Variants in ZZZ3 observed in about 807,000 individuals in gnomAD.
The protein encoded by ZZZ3 is ZZ-type zinc finger-containing protein 3.
Under a neutral mutation model 95.2 loss-of-function variants are expected in ZZZ3, and 22 were observed. The ratio of observed to expected loss-of-function variants is 0.23; its 90% CI spans 0.17 to 0.33. The LOEUF is 0.33. Among genes scored for constraint, ZZZ3 ranks in the 10% least tolerant of loss-of-function variants. ZZZ3 has a pLI of 1.00. For synonymous variants in ZZZ3, 335 were observed against 358.9 expected, an observed-to-expected ratio of 0.93 and a Z score of 0.75; for missense variants, 885 against 1,066.5, an observed-to-expected ratio of 0.83 and a Z score of 2.37.
At chr1:77,619,226 T>C (rs1401778243) in intron 5 of ZZZ3, among the ~76,000 whole-genome samples, 1 of 152,200 alleles carries the variant, frequency 6.6e-6, no homozygotes, top group Non-Finnish European at 1.5e-5. Context: ...TAGTAACTTC[T>C]AGTTAAAAAC....
chr1:77,576,824 T>C (rs1176575094), intron 11 of ZZZ3, among the ~76,000 whole-genome samples: 1 of 152,098 alleles, frequency 6.6e-6, no homozygotes, highest in East Asian at 1.9e-4. Context: ...TTTACCAATT[T>C]GTGTTGGGCC....
intron 8 of ZZZ3, 36 bp from the exon 9 acceptor site, chr1:77,581,105 TAAC>T (rs747683377): frequency 6.6e-7 from 1 of 1,518,222 alleles, no homozygotes; most frequent in African/African-American, 1.4e-5. Flanking sequence ...AGAGAGAAAA[TAAC>T]AACACCTATC....
At chr1:77,571,753 G>A (rs567094289) in intron 12 of ZZZ3, among the ~76,000 whole-genome samples, 24 of 152,248 alleles carry the variant, frequency 1.6e-4, no homozygotes, top group Admixed American at 7.8e-4. Context: ...ATGGAAAGCA[G>A]AATAATGACT....
intron 1 of ZZZ3, among the ~76,000 whole-genome samples, chr1:77,657,679 T>A (rs1557769088): frequency 6.6e-6 from 1 of 152,172 alleles, no homozygotes; most frequent in Non-Finnish European, 1.5e-5. Context: ...GAGAACAGAC[T>A]ATAGTCATCC....
chr1:77,584,844 AG>A (rs1662928978), intron 5 of ZZZ3, 189 bp from the exon 6 acceptor site: 1 of 380,918 alleles, frequency 2.6e-6, no homozygotes, highest in Non-Finnish European at 4.6e-6. Context: ...AGAAAATAAG[AG>A]TTAGAGAAAG....
intron 5 of ZZZ3, among the ~76,000 whole-genome samples, chr1:77,621,676 GTGTGGTGGTAC>G (rs1557734480): frequency 2.6e-5 from 4 of 151,856 alleles, no homozygotes; most frequent in Non-Finnish European, 5.9e-5. Context: ...AATTAGCCAC[GTGTGGTGGTAC>G]GCACCTGTAG....
At chr1:77,666,050 T>C (rs1402586720) in intron 1 of ZZZ3, among the ~76,000 whole-genome samples, 1 of 152,012 alleles carries the variant, frequency 6.6e-6, no homozygotes, top group Admixed American at 6.6e-5. Context: ...CAAAAATAAA[T>C]AAAGTATTTG....
intron 4 of ZZZ3, among the ~76,000 whole-genome samples, chr1:77,635,458 T>A (rs943264447): frequency 6.6e-6 from 1 of 152,228 alleles, no homozygotes; most frequent in African/African-American, 2.4e-5. Context: ...GGGGGATTCA[T>A]TAAAAGAACA....
chr1:77,606,374 C>T (rs540131871), intron 5 of ZZZ3, among the ~76,000 whole-genome samples: 12 of 152,308 alleles, frequency 7.9e-5, no homozygotes, highest in East Asian at 1.9e-4. Context: ...TCCCTGGCTC[C>T]GGGATGGCAT....
In ZZZ3 at chr1:77,568,326, A is replaced by C. The variant is rs1661027206; in HGVS notation, c.2466+6T>G. ...GAAATGAATCCTAAAATTAAATAGA[A>C]CTTACCTTAAAGCCCACATGTTGCA... On this transcript the variant is annotated splice_donor_region_variant and intron_variant, in intron 13 of 14. Transcript: ENST00000370801. The C allele has an allele frequency of 6.4e-7, 1 of 1,573,106 alleles. No individual in the cohort carries two copies.
At position 77,631,135 on chromosome 1, in the gene ZZZ3, T is replaced by C. The variant is rs186146455; in HGVS notation, c.1505+715A>G. ...TTATAGGAAATCTAGGCAAGAAATA[T>C]TGTGAAAAATTTGGATACAGAATTC... On this transcript the variant is annotated intron_variant, in intron 5 of 14. Transcript: ENST00000370801. Among the ~76,000 whole-genome samples, 5 of 152,282 alleles carry C rather than the reference T, an allele frequency of 3.3e-5. No individual in the cohort carries two copies. The East Asian group carries it at 9.6e-4, about 29-fold the overall frequency.
rs557558526 is a variant in ZZZ3 at position 77,568,748 on chromosome 1, C to T, written c.2332-282G>A. 4.6e-5 allele frequency among the ~76,000 whole-genome samples: 7 copies of T among 151,254 alleles called. No homozygotes were observed. In the East Asian group the frequency reaches 9.8e-4, roughly 21 times the overall value. ...CCATGATTACCACCTCTGTCACACA[C>T]TATTGCAAACCCAATCCCATCTTTA... is the stretch of plus-strand genomic sequence containing the variant. On this transcript the variant is annotated intron_variant, in intron 12 of 14. Coordinates refer to ENST00000370801, the MANE Select transcript of ZZZ3 (RefSeq NM_015534.6).
chr1:77,675,395 A>C (rs1672165267), intron 1 of ZZZ3, among the ~76,000 whole-genome samples: 1 of 152,222 alleles, frequency 6.6e-6, no homozygotes, highest in South Asian at 2.1e-4. Flanking sequence ...ATAATTAGCA[A>C]CGCTATTTCC....
chr1:77,606,004 A>C (rs934490174), intron 5 of ZZZ3, among the ~76,000 whole-genome samples: 4 of 152,362 alleles, frequency 2.6e-5, no homozygotes, highest in South Asian at 2.1e-4. Context: ...GTATCAGCTC[A>C]GCCACAGTGG....
At chr1:77,662,781 ACCCTGTCT>A (rs1670914456) in intron 1 of ZZZ3, among the ~76,000 whole-genome samples, 1 of 152,108 alleles carries the variant, frequency 6.6e-6, no homozygotes, top group South Asian at 2.1e-4. Flanking sequence ...ACAAAGTGAG[ACCCTGTCT>A]CAAAAAACAA....
At chr1:77,577,335 T>C (rs1383504111) in intron 11 of ZZZ3, among the ~76,000 whole-genome samples, 1 of 152,152 alleles carries the variant, frequency 6.6e-6, no homozygotes, top group African/African-American at 2.4e-5. Flanking sequence ...TCTATAAAAT[T>C]AGCTTAGAAA....
intron 5 of ZZZ3, among the ~76,000 whole-genome samples, chr1:77,627,318 T>C (rs1213057561): frequency 1.3e-5 from 2 of 152,158 alleles, no homozygotes; most frequent in Non-Finnish European, 2.9e-5. Context: ...ACTAATGAAA[T>C]TGCTTTGTAA....
At chr1:77,678,383 C>T (rs1044945272) in intron 1 of ZZZ3, among the ~76,000 whole-genome samples, 9 of 152,120 alleles carry the variant, frequency 5.9e-5, no homozygotes, top group East Asian at 1.9e-4. Flanking sequence ...GAGATCTACA[C>T]GTAAATTTTC....
At chr1:77,588,454 G>GA (rs200060242) in intron 5 of ZZZ3, among the ~76,000 whole-genome samples, 4,626 of 145,416 alleles carry the variant, frequency 0.032, 103 homozygotes, top group Admixed American at 0.042. Context: ...AGCTATGCAG[G>GA]AAAAAAAAAA....
Sources: gnomAD v4.1 joint callset for allele counts (sites outside exome capture counted in the v4.1 genomes callset) on GRCh38, gnomAD v4.1.1 for gene constraint, MANE v1.5 for transcripts, NCBI Gene and HGNC (gene_info 2026-07-23, HGNC 2026-07-21) for gene names.